Variants in LMNTD1 observed in about 807,000 individuals in gnomAD.
LMNTD1 encodes lamin tail domain-containing protein 1.
A neutral mutation model predicts 50.9 loss-of-function variants in LMNTD1; 35 were observed. The observed-to-expected ratio is 0.69, with a 90% CI of 0.53 to 0.91. The LOEUF (loss-of-function observed/expected upper bound fraction) is 0.91. LMNTD1 is among the 40% of genes least tolerant of loss of function. LMNTD1 has a pLI of 0.00. For missense variants in LMNTD1, 470 were observed against 475.5 expected (o/e 0.99, Z 0.11); for synonymous variants, 153 against 161.9 (o/e 0.94, Z 0.42).
At chr12:25,636,602 T>C (rs1439351789) in intron 1 of LMNTD1, among the ~76,000 whole-genome samples, 1 of 152,126 alleles carries the variant, frequency 6.6e-6, no homozygotes, top group East Asian at 1.9e-4. Context: ...AAAGGAGAAA[T>C]ACCATTTGAT....
chr12:25,640,905 G>A (rs755216128), intron 1 of LMNTD1, among the ~76,000 whole-genome samples: 3 of 152,144 alleles, frequency 2.0e-5, no homozygotes, highest in Non-Finnish European at 2.9e-5. Flanking sequence ...CTGACCTCGT[G>A]ATCCACCTGC....
chr12:25,555,335 A>G (rs1049213467), upstream of LMNTD1, among the ~76,000 whole-genome samples: 13 of 152,220 alleles, frequency 8.5e-5, no homozygotes, highest in Non-Finnish European at 1.5e-4. Flanking sequence ...AACAGTAGCA[A>G]TAATACCATC....
At chr12:25,595,807 T>A (rs1325960001) in intron 1 of LMNTD1, among the ~76,000 whole-genome samples, 1 of 152,000 alleles carries the variant, frequency 6.6e-6, no homozygotes, top group Non-Finnish European at 1.5e-5. Context: ...AAGCTGGTTT[T>A]TTGAAAAGAA....
intron 1 of LMNTD1, among the ~76,000 whole-genome samples, chr12:25,563,923 T>TAGGCGTGGGACCCTCCAAGCC (rs1258690725): frequency 2.0e-5 from 3 of 152,162 alleles, no homozygotes; most frequent in Non-Finnish European, 4.4e-5. Flanking sequence ...TGAGGCTCCG[T>TAGGCGTGGGACCCTCCAAGCC]AGGCGTGGGA....
chr12:25,499,729 T>A (rs185023219), intron 9 of LMNTD1: 1 of 147,526 alleles, frequency 6.8e-6, no homozygotes, highest in African/African-American at 2.4e-5. Flanking sequence ...ATACTTAAAG[T>A]GTGATAGAAA....
chr12:25,483,729 G>A lies in LMNTD1; in HGVS notation c.*23-7269C>T, dbSNP rs553101954. ...GGAAGTTGCAGTGAGCCAAGATTGC[G>A]CCACTGTACTCCAAGCCAGGGCGAC... On this transcript the variant is annotated intron_variant, in intron 9 of 9. Coordinates refer to ENST00000458174, the MANE Select transcript of LMNTD1 (RefSeq NM_001145728.2). Among the ~76,000 whole-genome samples the A allele has an allele frequency of 5.3e-5, 8 of 150,750 alleles. No individual in the cohort carries two copies. The East Asian group carries it at 7.8e-4, about 15-fold the overall frequency.
At chr12:25,589,719 T>C (rs368284969) in intron 1 of LMNTD1, among the ~76,000 whole-genome samples, 16 of 152,362 alleles carry the variant, frequency 1.1e-4, no homozygotes, top group African/African-American at 3.8e-4. Flanking sequence ...AGATTTAAAA[T>C]CTTCATGGCA....
intron 1 of LMNTD1, among the ~76,000 whole-genome samples, chr12:25,644,313 CAAAAA>C (rs59091210): frequency 8.5e-5 from 7 of 82,090 alleles, no homozygotes; most frequent in African/African-American, 1.9e-4. Flanking sequence ...CCTTTCTCTA[CAAAAA>C]AAAAAAAAAA....
chr12:25,499,314 C>A (rs1442701788), intron 9 of LMNTD1, among the ~76,000 whole-genome samples: 1 of 152,138 alleles, frequency 6.6e-6, no homozygotes, highest in Non-Finnish European at 1.5e-5. Flanking sequence ...CTCGGCCTCC[C>A]AAAGTGTTGG....
intron 4 of LMNTD1, among the ~76,000 whole-genome samples, chr12:25,534,379 A>G (rs1942430732): frequency 1.3e-5 from 2 of 152,224 alleles, no homozygotes; most frequent in African/African-American, 2.4e-5. Flanking sequence ...AACAAAGAAT[A>G]GTGATACTTG....
chr12:25,536,149 C>T (rs1392686659), intron 4 of LMNTD1, among the ~76,000 whole-genome samples: 2 of 151,810 alleles, frequency 1.3e-5, no homozygotes, highest in Non-Finnish European at 2.9e-5. Context: ...ATATTAATAC[C>T]CCTCTCTCAA....
chr12:25,493,456 T>G (rs2135922389), intron 9 of LMNTD1, among the ~76,000 whole-genome samples: 1 of 152,310 alleles, frequency 6.6e-6, no homozygotes, highest in Middle Eastern at 3.4e-3. Flanking sequence ...AACCAATTGT[T>G]GCTTCAGAGA....
intron 1 of LMNTD1, among the ~76,000 whole-genome samples, chr12:25,579,826 C>T (rs1319643828): frequency 1.3e-5 from 2 of 152,056 alleles, no homozygotes; most frequent in African/African-American, 2.4e-5. Context: ...TCAACAATAC[C>T]GGTATAGACT....
intron 6 of LMNTD1, among the ~76,000 whole-genome samples, chr12:25,520,829 GGGGTTCCC>G: frequency 6.6e-6 from 1 of 152,114 alleles, no homozygotes; most frequent in Non-Finnish European, 1.5e-5. Flanking sequence ...ACCATGTACT[GGGGTTCCC>G]TTTTCTCCAT....
chr12:25,575,997 A>G (rs1461329003), intron 1 of LMNTD1, among the ~76,000 whole-genome samples: 1 of 152,192 alleles, frequency 6.6e-6, no homozygotes, highest in Non-Finnish European at 1.5e-5. Flanking sequence ...AGTTTCAACC[A>G]TGTCCCTACA....
At chr12:25,516,258 TA>T (rs1940763464) in intron 8 of LMNTD1, among the ~76,000 whole-genome samples, 1 of 152,160 alleles carries the variant, frequency 6.6e-6, no homozygotes, top group Admixed American at 6.5e-5. Flanking sequence ...TAACGATGTA[TA>T]AAGACTTTAG....
intron 4 of LMNTD1, among the ~76,000 whole-genome samples, chr12:25,545,636 GT>G (rs1175340377): frequency 6.6e-6 from 1 of 151,600 alleles, no homozygotes; most frequent in Non-Finnish European, 1.5e-5. Flanking sequence ...AACATAGTAG[GT>G]ACTGAATGAA....
intron 4 of LMNTD1, among the ~76,000 whole-genome samples, chr12:25,539,891 A>T (rs1942927124): frequency 6.6e-6 from 1 of 151,638 alleles, no homozygotes; most frequent in African/African-American, 2.4e-5. Flanking sequence ...CATAAAGGGG[A>T]TATCACCACC....
chr12:25,510,757 G>A (rs572196834), intron 8 of LMNTD1, among the ~76,000 whole-genome samples: 14 of 152,020 alleles, frequency 9.2e-5, no homozygotes, highest in Non-Finnish European at 1.9e-4. Flanking sequence ...TCTATGAGAT[G>A]TCATTTAAAA....
Sources: gnomAD v4.1 joint callset for allele counts (sites outside exome capture counted in the v4.1 genomes callset) on GRCh38, gnomAD v4.1.1 for gene constraint, MANE v1.5 for transcripts, NCBI Gene and HGNC (gene_info 2026-07-23, HGNC 2026-07-21) for gene names.